Variants in RNF38 observed in about 807,000 individuals in gnomAD.
RNF38 encodes the protein ring finger protein 38.
Under a neutral mutation model 67.2 loss-of-function variants are expected in RNF38, and 15 were observed. The ratio of observed to expected loss-of-function variants is 0.22; its 90% confidence interval spans 0.15 to 0.34. The LOEUF is 0.34. RNF38 is among the 10% of genes least tolerant of loss of function. RNF38 has a pLI of 1.00. For synonymous variants in RNF38, 220 were observed against 218.8 expected (o/e 1.01, Z -0.05); for missense variants, 524 against 639.9 (o/e 0.82, Z 1.95).
intron 1 of RNF38, among the ~76,000 whole-genome samples, chr9:36,452,175 G>A (rs796148772): frequency 2.6e-5 from 4 of 152,266 alleles, no homozygotes; most frequent in African/African-American, 7.2e-5. Context: ...GCATTGAGCC[G>A]TGATCACACC....
intron 1 of RNF38, among the ~76,000 whole-genome samples, chr9:36,457,464 C>G (rs930142473): frequency 1.1e-4 from 16 of 152,178 alleles, no homozygotes; most frequent in Middle Eastern, 3.2e-3. Flanking sequence ...CCATTAGATT[C>G]TGAAAGTCTG....
chr9:36,486,176 C>T (rs1840406803), intron 1 of RNF38, among the ~76,000 whole-genome samples: 1 of 152,306 alleles, frequency 6.6e-6, no homozygotes, highest in South Asian at 2.1e-4. Flanking sequence ...TCCACGGGAC[C>T]CTCGTCCCTG....
intron 1 of RNF38, among the ~76,000 whole-genome samples, chr9:36,433,727 G>C (rs1277378364): frequency 6.6e-6 from 1 of 150,918 alleles, no homozygotes; most frequent in Non-Finnish European, 1.5e-5. Context: ...AATGACTTTG[G>C]ACATATACAA....
At chr9:36,416,994 C>T (rs1158991823) in intron 2 of RNF38, among the ~76,000 whole-genome samples, 3 of 152,074 alleles carry the variant, frequency 2.0e-5, no homozygotes, top group Non-Finnish European at 4.4e-5. Flanking sequence ...GCAGATGATC[C>T]ACCCACCTTG....
At chr9:36,440,318 C>A (rs1020814376) in intron 1 of RNF38, among the ~76,000 whole-genome samples, 2 of 151,872 alleles carry the variant, frequency 1.3e-5, no homozygotes, top group African/African-American at 4.8e-5. Context: ...GGGAGATGGG[C>A]GGATCACCTG....
In RNF38 at chr9:36,410,810, T is replaced by C. The variant is rs534747826; in HGVS notation, n.312+13803A>G. Among the ~76,000 whole-genome samples, 6 of 152,298 alleles carry C rather than the reference T, an allele frequency of 3.9e-5. No homozygotes were observed. The South Asian group carries it at 1.2e-3, about 32-fold the overall frequency. ...AGTCAGCAGTGGACCCTCTCTTTTATTAAGTGAAGGAAGAAATGGAGTCTG... is the reference window on the plus strand; with the variant it reads ...AGTCAGCAGTGGACCCTCTCTTTTACTAAGTGAAGGAAGAAATGGAGTCTG... On this transcript the variant is annotated intron_variant and non_coding_transcript_variant, in intron 2 of 3. Transcript: ENST00000488058.
chr9:36,446,754 GC>G (rs896378796), intron 1 of RNF38, among the ~76,000 whole-genome samples: 19 of 143,832 alleles, frequency 1.3e-4, no homozygotes, highest in African/African-American at 4.1e-4. Flanking sequence ...GTTGCAGTGA[GC>G]CGAGATTGCA....
intron 1 of RNF38, among the ~76,000 whole-genome samples, chr9:36,478,422 A>AG (rs1222771953): frequency 2.3e-4 from 35 of 150,324 alleles, no homozygotes; most frequent in Middle Eastern, 7.0e-3. Context: ...AAAAAAAAAA[A>AG]AGAGAGCGTT....
intron 1 of RNF38, among the ~76,000 whole-genome samples, chr9:36,445,576 T>C (rs1839281027): frequency 6.6e-6 from 1 of 152,104 alleles, no homozygotes. Flanking sequence ...GGAGTTGGGA[T>C]GAGAGAGAGT....
At chr9:36,443,775 TG>T (rs1449259642) in intron 1 of RNF38, among the ~76,000 whole-genome samples, 1 of 152,184 alleles carries the variant, frequency 6.6e-6, no homozygotes, top group African/African-American at 2.4e-5. Context: ...CCATGACTAA[TG>T]GGAACAGAGG....
At chr9:36,487,168 G>C (rs2134475810) in intron 1 of RNF38, 2 of 502,904 alleles carry the variant, frequency 4.0e-6, no homozygotes, top group African/African-American at 2.1e-5. Context: ...GCTCGCAGGG[G>C]CTCCGGGGCC....
chr9:36,345,786 T>C (rs1248127359), intron 9 of RNF38, among the ~76,000 whole-genome samples: 1 of 151,806 alleles, frequency 6.6e-6, no homozygotes, highest in Non-Finnish European at 1.5e-5. Context: ...GCCTAATATG[T>C]CTCAAGACTC....
At position 36,482,506 on chromosome 9, in the gene RNF38, C is replaced by T. The variant is rs553185260; in HGVS notation, n.241+4802G>A. On this transcript the variant is annotated intron_variant and non_coding_transcript_variant, in intron 1 of 3. Transcript: ENST00000488058. ...TAGCTGGGATTACAGGCATGCGCCA[C>T]CATGCCCAGCTAATTTTTCTATTGT... Among the ~76,000 whole-genome samples, 15 of 151,610 alleles carry T rather than the reference C, an allele frequency of 9.9e-5. No homozygotes were observed. In the East Asian group the frequency reaches 2.5e-3, roughly 25 times the overall value.
intron 5 of RNF38, among the ~76,000 whole-genome samples, chr9:36,357,132 T>C (rs1834188514): frequency 6.6e-6 from 1 of 152,124 alleles, no homozygotes; most frequent in Admixed American, 6.6e-5. Flanking sequence ...TACAGCGCCC[T>C]CATTTCTGAA....
chr9:36,358,077 G>T, intron 4 of RNF38, 135 bp from the exon 5 acceptor site: 1 of 656,708 alleles, frequency 1.5e-6, no homozygotes, highest in Non-Finnish European at 2.6e-6. Context: ...CAATAGTTTC[G>T]ACCAGAATAT....
chr9:36,400,953 A>C, upstream of RNF38: 1 of 978,648 alleles, frequency 1.0e-6, no homozygotes, highest in Non-Finnish European at 1.2e-6. Context: ...CGGCGATCAC[A>C]GACCCGGGCT....
At chr9:36,353,358 A>C in intron 6 of RNF38, 27 bp from the exon 7 acceptor site, 1 of 1,414,768 alleles carries the variant, frequency 7.1e-7, no homozygotes, top group South Asian at 1.4e-5. Flanking sequence ...AAAAACACAT[A>C]TATGTATATA....
At chr9:36,429,852 ATTTTT>A (rs1279723576) in intron 1 of RNF38, among the ~76,000 whole-genome samples, 1 of 152,018 alleles carries the variant, frequency 6.6e-6, no homozygotes, top group Admixed American at 6.6e-5. Context: ...AGTTTTACTC[ATTTTT>A]TTAACTGTAG....
At chr9:36,416,603 G>A (rs1374665503) in intron 2 of RNF38, among the ~76,000 whole-genome samples, 1 of 152,066 alleles carries the variant, frequency 6.6e-6, no homozygotes, top group African/African-American at 2.4e-5. Context: ...AAGTTAGGCT[G>A]TAAGTTTTCT....
Sources: allele counts gnomAD v4.1 joint callset (sites outside exome capture counted in the v4.1 genomes callset), GRCh38; gene constraint gnomAD v4.1.1; transcripts MANE v1.5; gene names NCBI Gene and HGNC (gene_info 2026-07-23, HGNC 2026-07-21).